Variants in NPM1 observed in about 807,000 individuals in gnomAD.
NPM1 encodes the protein nucleophosmin 1.
Under a neutral mutation model 44.1 loss-of-function variants are expected in NPM1, and 1 was observed. The ratio of observed to expected loss-of-function variants is 0.02; its 90% confidence interval spans 0.01 to 0.11. The LOEUF is 0.11. NPM1 is among the 10% of genes least tolerant of loss of function. The pLI is 1.00. For synonymous variants in NPM1, 126 were observed against 111.8 expected, an observed-to-expected ratio of 1.13 and a Z score of -0.80; for missense variants, 197 against 347.8, an observed-to-expected ratio of 0.57 and a Z score of 3.45.
intron 9 of NPM1, chr5:171,406,821 T>A: frequency 3.7e-6 from 2 of 541,964 alleles, no homozygotes; most frequent in Non-Finnish European, 4.9e-6. Context: ...ATGCTATACC[T>A]GATTCTGCCA....
rs1232572364 is a variant in NPM1 at position 171,404,235 on chromosome 5, A to AC, written c.670-1058dup. Among the ~76,000 whole-genome samples the AC allele has an allele frequency of 6.8e-3, 469 of 68,774 alleles. 81 individuals are homozygous for AC. Among genetic ancestry groups the AC allele is most frequent in the Admixed American group, 0.015 (97 of 6,686 alleles). The allele number at this position is 68,774 out of a possible 152,430, so 45.1% of individuals were successfully genotyped here. A position where few individuals can be genotyped will look rare whatever the true frequency, so the allele number is the denominator to read the frequency against. On this transcript the variant is annotated intron_variant, in intron 8 of 10. Coordinates refer to ENST00000296930, the MANE Select transcript of NPM1 (RefSeq NM_002520.7). ...GGGCGGCTGGCCGGGCGGGGGGTTG[A>AC]CCCCCCCCCACCTCCCTCCCGGACG...
chr5:171,398,033 GCCTCGGCCT>G (rs946908970), intron 6 of NPM1, among the ~76,000 whole-genome samples: 16 of 151,802 alleles, frequency 1.1e-4, no homozygotes, highest in Non-Finnish European at 2.1e-4. Context: ...GGTCAGGCCC[GCCTCGGCCT>G]CCCACAAGTG....
chr5:171,394,041 C>G lies in NPM1; in HGVS notation c.524+1063C>G, dbSNP rs148756744. 1.1e-4 allele frequency among the ~76,000 whole-genome samples: 11 copies of G among 97,070 alleles called. No homozygotes were observed. The South Asian group carries it at 1.2e-3, about 10-fold the overall frequency. 63.7% of individuals were successfully genotyped at this position (97,070 alleles called of 152,430 possible). A position where few individuals can be genotyped will look rare whatever the true frequency, so the allele number is the denominator to read the frequency against. ...ATTTGACTGTTGCTGTTTTTGTTTT[C>G]TTTTTTTTTTTTTTTTTTTTTGAGA... On this transcript the variant is annotated intron_variant, in intron 6 of 10. Coordinates refer to ENST00000296930, the MANE Select transcript of NPM1 (RefSeq NM_002520.7).
rs751089518 is a variant in NPM1 at position 171,387,943 on chromosome 5, C to T, written c.-6C>T. The T allele has an allele frequency of 5.0e-6, 8 of 1,611,974 alleles. No homozygotes were observed. The Admixed American group carries it at 1.3e-4, about 27-fold the overall frequency. On this transcript the variant is annotated 5_prime_UTR_variant, in exon 1 of 11. Coordinates refer to ENST00000296930, the MANE Select transcript of NPM1 (RefSeq NM_002520.7). The stretch of plus-strand genomic sequence containing the variant: ...TCTCTCCTACCTAAGTGCGTGCCGC[C>T]ACCCGATGGAAGATTCGATGGACAT...
Position 171,410,731 on chromosome 5 carries a change from G to C in NPM1, c.*166G>C. 2 of 429,892 alleles carry C rather than the reference G, an allele frequency of 4.7e-6. No individual in the cohort carries two copies. The highest frequency in any genetic ancestry group is 4.1e-6 in the Non-Finnish European group (1 of 246,298). The allele number at this position is 429,892 out of a possible 1,614,324, so 26.6% of individuals were successfully genotyped here. A position where few individuals can be genotyped will look rare whatever the true frequency, so the allele number is the denominator to read the frequency against. ...CAAGAATGTGTTGTCCAAAATGCCT[G>C]TTTAGTTTTTAAAGATGGAACTCCA... On this transcript the variant is annotated 3_prime_UTR_variant, in exon 11 of 11. Coordinates refer to ENST00000296930, the MANE Select transcript of NPM1 (RefSeq NM_002520.7).
At chr5:171,393,460 G>A (rs1447121533) in intron 6 of NPM1, among the ~76,000 whole-genome samples, 1 of 152,148 alleles carries the variant, frequency 6.6e-6, no homozygotes, top group Admixed American at 6.5e-5. Context: ...GATTCTAAAA[G>A]GGATATTAAG....
At position 171,408,147 on chromosome 5, in the gene NPM1, CT is replaced by C. The variant is rs142729767; in HGVS notation, c.846+387del. Among the ~76,000 whole-genome samples, 213 of 142,010 alleles carry C rather than the reference CT, an allele frequency of 1.5e-3. 3 individuals carry two copies. The highest frequency in any genetic ancestry group is 5.3e-3 in the East Asian group (26 of 4,910). The allele number at this position is 142,010 out of a possible 152,430, so 93.2% of individuals were successfully genotyped here. The stretch of plus-strand genomic sequence containing the variant: ...GGCTTTTTTGGGAGTTGGTAGAGAT[CT>C]TTTTTTTTTTTTTCCTAGATCTTAT... On this transcript the variant is annotated intron_variant, in intron 10 of 10. Transcript: ENST00000296930.
rs587778581 is a variant in NPM1 at position 171,392,927 on chromosome 5, TTGC to T, written c.479_481del (p.Ala160del). On this transcript the variant is annotated inframe_deletion, in exon 6 of 11. Transcript: ENST00000296930. ...TTCTTTTAAAAGAAAAAAGTAAAACTTGCTGCTGATGAAGATGATGACGATGAT... is the reference window on the plus strand; with the variant it reads ...TTCTTTTAAAAGAAAAAAGTAAAACTTGCTGATGAAGATGATGACGATGAT... 1.2e-4 allele frequency: 198 copies of T among 1,611,534 alleles called. No individual in the cohort carries two copies. Among genetic ancestry groups the T allele is most frequent in the Non-Finnish European group, 1.5e-4 (171 of 1,177,864 alleles).
chr5:171,389,394 A>T (rs1406804030), intron 1 of NPM1, among the ~76,000 whole-genome samples: 1 of 152,236 alleles, frequency 6.6e-6, no homozygotes, highest in African/African-American at 2.4e-5. Flanking sequence ...GTGAGAGTAG[A>T]CATATGTATT....
chr5:171,397,802 CT>C (rs575241008), intron 6 of NPM1, among the ~76,000 whole-genome samples: 250 of 132,296 alleles, frequency 1.9e-3, no homozygotes, highest in South Asian at 8.4e-3. Flanking sequence ...GGCAAGAATT[CT>C]TTTTTTTTTT....
chr5:171,403,767 G>A (rs1427298734), intron 8 of NPM1, among the ~76,000 whole-genome samples: 18 of 129,092 alleles, frequency 1.4e-4, no homozygotes, highest in African/African-American at 3.2e-4. Flanking sequence ...CGGACGGGGC[G>A]GCTGGCCGGG....
At chr5:171,392,022 G>A (rs1023587358) in intron 4 of NPM1, among the ~76,000 whole-genome samples, 11 of 152,002 alleles carry the variant, frequency 7.2e-5, no homozygotes, top group Non-Finnish European at 1.3e-4. Context: ...TGGCTCACTG[G>A]AACCTCTCCG....
chr5:171,393,861 A>G (rs764123818), intron 6 of NPM1, among the ~76,000 whole-genome samples: 39 of 152,322 alleles, frequency 2.6e-4, no homozygotes, highest in Non-Finnish European at 4.7e-4. Context: ...GACCAGGCGC[A>G]GTGGTTCACA....
rs538605248 is a variant in NPM1, at chr5:171,390,039, C to T, written c.59-12C>T. ...TTCTCCTTGTTAGAGTTGCTTTTTT[C>T]TTCATTTACAGGTTGTGAACTAAAG... On this transcript the variant is annotated splice_polypyrimidine_tract_variant and intron_variant, in intron 1 of 10. Transcript: ENST00000296930. The T allele has an allele frequency of 7.2e-7, 1 of 1,393,058 alleles. No individual in the cohort carries two copies. 86.3% of individuals were successfully genotyped at this position (1,393,058 alleles called of 1,614,324 possible). A position where few individuals can be genotyped will look rare whatever the true frequency, so the allele number is the denominator to read the frequency against.
intron 6 of NPM1, 50 bp downstream of exon 6, chr5:171,393,028 AAG>A: frequency 6.4e-7 from 1 of 1,570,862 alleles, no homozygotes; most frequent in East Asian, 2.3e-5. Flanking sequence ...TTGACAAAAA[AAG>A]GAATTTGACA....
intron 10 of NPM1, among the ~76,000 whole-genome samples, chr5:171,409,996 A>G (rs947126355): frequency 1.3e-5 from 2 of 151,702 alleles, no homozygotes; most frequent in African/African-American, 4.9e-5. Context: ...GGGTTTCACC[A>G]TGTTGCCCAG....
At chr5:171,401,361 A>T (rs1412660122) in intron 8 of NPM1, among the ~76,000 whole-genome samples, 2 of 152,010 alleles carry the variant, frequency 1.3e-5, no homozygotes, top group Non-Finnish European at 2.9e-5. Context: ...CAAAAAAAAA[A>T]ATCAGCTTGT....
At chr5:171,404,425 G>A (rs1179526849) in intron 8 of NPM1, among the ~76,000 whole-genome samples, 2 of 84,928 alleles carry the variant, frequency 2.4e-5, no homozygotes, top group Non-Finnish European at 4.8e-5. Context: ...CAGACGGGGC[G>A]GCCAGGCAGA....
chr5:171,391,356 G>T lies in NPM1; in HGVS notation c.190G>T (p.Ala64Ser). ...TGAGTTGCACATTGTTGAAGCAGAG[G>T]CAATGAATTACGAAGGCAGTCCAAT... ...KDELHIVEAE[A>S]MNYEGSPIKV... The change falls in exon 3 of 11, where the codon GCA becomes TCA. Residue 64 changes from alanine to serine, a missense_variant. This residue lies in a region of NPM1 where 43 missense variants were observed against 109.6 expected (regional missense o/e 0.39). Transcript: ENST00000296930. 1 of 1,613,046 alleles carries T rather than the reference G, an allele frequency of 6.2e-7. No homozygotes were observed. Among genetic ancestry groups the T allele is most frequent in the East Asian group, 2.2e-5 (1 of 44,884 alleles).
Sources: gnomAD v4.1 joint callset for allele counts (sites outside exome capture counted in the v4.1 genomes callset) on GRCh38, gnomAD v4.1.1 for gene constraint, gnomAD v4.1.1 regional missense constraint, MANE v1.5 for transcripts, NCBI Gene and HGNC (gene_info 2026-07-23, HGNC 2026-07-21) for gene names.